TSEN2: variants seen among roughly 807,000 people sequenced by gnomAD.
The protein encoded by TSEN2 is tRNA splicing endonuclease subunit 2, also known as tRNA-splicing endonuclease subunit Sen2.
A neutral mutation model predicts 59.2 loss-of-function variants in TSEN2; 54 were observed. That is an observed-to-expected ratio of 0.91 (90% CI 0.73 to 1.14). The LOEUF (loss-of-function observed/expected upper bound fraction) is 1.14. TSEN2 is among the 50% of genes most tolerant of loss of function. The probability of loss-of-function intolerance (pLI) is 0.00; values close to 1 mark genes in which losing one functional copy is unlikely to be tolerated. For synonymous variants in TSEN2, 195 were observed against 198.2 expected, an observed-to-expected ratio of 0.98 and a Z score of 0.14; for missense variants, 636 against 576.2, an observed-to-expected ratio of 1.10 and a Z score of -1.06.
chr3:12,500,598 A>C (rs960294470), intron 4 of TSEN2, among the ~76,000 whole-genome samples: 2 of 152,188 alleles, frequency 1.3e-5, no homozygotes, highest in Non-Finnish European at 1.5e-5. Flanking sequence ...CATCTTTTTC[A>C]AGATACCATA....
intron 8 of TSEN2, among the ~76,000 whole-genome samples, chr3:12,520,561 G>C (rs973741913): frequency 2.6e-5 from 4 of 152,128 alleles, no homozygotes; most frequent in Admixed American, 2.6e-4. Context: ...AGGCCGAGGC[G>C]GGCAGATCGC....
chr3:12,531,809 C>T, intron 11 of TSEN2, 150 bp downstream of exon 11: 2 of 656,184 alleles, frequency 3.0e-6, no homozygotes, highest in South Asian at 3.5e-5. Context: ...TCACCTTTTC[C>T]CCATTGAACC....
At chr3:12,502,109 C>A (rs772457702) in intron 4 of TSEN2, among the ~76,000 whole-genome samples, 1 of 152,222 alleles carries the variant, frequency 6.6e-6, no homozygotes, top group Non-Finnish European at 1.5e-5. Flanking sequence ...CAAATCATTT[C>A]TCTCCTTATC....
intron 6 of TSEN2, among the ~76,000 whole-genome samples, chr3:12,507,352 G>C (rs1324578596): frequency 1.3e-5 from 2 of 152,204 alleles, no homozygotes; most frequent in Non-Finnish European, 2.9e-5. Flanking sequence ...TAGCCCACAT[G>C]TACCCGTTCT....
downstream of TSEN2, among the ~76,000 whole-genome samples, chr3:12,538,009 C>T (rs1259667238): frequency 6.6e-6 from 1 of 152,016 alleles, no homozygotes; most frequent in African/African-American, 2.4e-5. Flanking sequence ...TCTTGAACAC[C>T]ATGGAATACT....
At chr3:12,537,633 G>A (rs2057704588), downstream of TSEN2, among the ~76,000 whole-genome samples, 2 of 152,106 alleles carry the variant, frequency 1.3e-5, no homozygotes, top group Admixed American at 6.6e-5. Flanking sequence ...CGATTTGCTG[G>A]GGTTGTCCTC....
At chr3:12,523,526 CTTTTTTTTTT>C (rs546904336) in intron 8 of TSEN2, among the ~76,000 whole-genome samples, 3 of 46,480 alleles carry the variant, frequency 6.5e-5, no homozygotes, top group East Asian at 4.7e-4. Flanking sequence ...CTCTTTGATT[CTTTTTTTTTT>C]TTTTTTTTTT....
chr3:12,509,182 G>T (rs113898199), intron 6 of TSEN2, among the ~76,000 whole-genome samples: 3,125 of 142,472 alleles, frequency 0.022, 54 homozygotes, highest in South Asian at 0.061. Flanking sequence ...AACTTTGGGG[G>T]TTTTTTTTGG....
intron 11 of TSEN2, 100 bp from the exon 12 acceptor site, chr3:12,532,562 A>G: frequency 1.7e-6 from 2 of 1,143,238 alleles, no homozygotes; most frequent in Non-Finnish European, 2.6e-6. Flanking sequence ...ATCATTATAT[A>G]GACCGCCCTT....
chr3:12,536,999 C>T (rs1037821103), downstream of TSEN2, among the ~76,000 whole-genome samples: 12 of 120,868 alleles, frequency 9.9e-5, no homozygotes, highest in South Asian at 4.5e-4. Flanking sequence ...AGCAAAACTC[C>T]GTCTCAAAAA....
chr3:12,490,159 G>A (rs1037743707), intron 2 of TSEN2, among the ~76,000 whole-genome samples, 170 bp downstream of exon 2: 2 of 152,150 alleles, frequency 1.3e-5, no homozygotes, highest in Non-Finnish European at 2.9e-5. Flanking sequence ...GTGCCCAAAA[G>A]CCATATGTTA....
chr3:12,532,251 C>T (rs2057509051), intron 11 of TSEN2, among the ~76,000 whole-genome samples: 1 of 152,204 alleles, frequency 6.6e-6, no homozygotes. Context: ...GTCTTCCCTT[C>T]AGTTGGTCCC....
rs952380928 is a variant in TSEN2 at position 12,522,230 on chromosome 3, A to T, written c.1099+3033A>T. ...CCTTAATTTAAAGATATTCTGCCTT[A>T]TAAGGATGGTTGGACAGATGGATAG... On this transcript the variant is annotated intron_variant, in intron 8 of 11. Transcript: ENST00000284995. Among the ~76,000 whole-genome samples, 3 of 152,308 alleles carry T rather than the reference A, an allele frequency of 2.0e-5. No individual in the cohort carries two copies. The East Asian group carries it at 5.8e-4, about 29-fold the overall frequency.
At chr3:12,504,581 C>CAATT (rs2054617799) in intron 5 of TSEN2, among the ~76,000 whole-genome samples, 1 of 151,918 alleles carries the variant, frequency 6.6e-6, no homozygotes, top group Non-Finnish European at 1.5e-5. Flanking sequence ...TTATTAGGTA[C>CAATT]AATTGGGTGA....
At chr3:12,516,268 T>C (rs1575393075) in intron 6 of TSEN2, among the ~76,000 whole-genome samples, 2 of 151,612 alleles carry the variant, frequency 1.3e-5, no homozygotes, top group South Asian at 4.2e-4. Context: ...CTGAAAAAAA[T>C]ACAAAAAATT....
intron 3 of TSEN2, among the ~76,000 whole-genome samples, chr3:12,495,080 C>T (rs1047923647): frequency 2.1e-5 from 3 of 144,422 alleles, no homozygotes; most frequent in East Asian, 2.1e-4. Context: ...GAGCCAAAAT[C>T]GCGCCACTGC....
At chr3:12,506,660 C>G (rs1185550661) in intron 6 of TSEN2, 5 of 983,886 alleles carry the variant, frequency 5.1e-6, no homozygotes, top group Non-Finnish European at 4.8e-6. Context: ...TTCCTCTAAC[C>G]TGTGGTCACT....
In TSEN2 at chr3:12,533,037, C is replaced by CA; in HGVS notation, c.*318dup. 1 of 442,544 alleles carries CA rather than the reference C, an allele frequency of 2.3e-6. No homozygotes were observed. Among genetic ancestry groups the CA allele is most frequent in the South Asian group, 2.4e-5 (1 of 40,998 alleles). 27.4% of individuals were successfully genotyped at this position (442,544 alleles called of 1,614,324 possible). ...AGGAGTCCTGAGAGGACACTTCCAA[C>CA]AAGAGACATTTATTCTCTGATTTTA... On this transcript the variant is annotated 3_prime_UTR_variant, in exon 12 of 12. Coordinates refer to ENST00000284995, the MANE Select transcript of TSEN2 (RefSeq NM_025265.4).
intron 10 of TSEN2, chr3:12,530,831 G>T: frequency 2.2e-6 from 2 of 897,740 alleles, no homozygotes; most frequent in Non-Finnish European, 2.7e-6. Context: ...TAACAAAACC[G>T]TTTTTTCTTC....
Sources: gnomAD v4.1 joint callset for allele counts (sites outside exome capture counted in the v4.1 genomes callset) on GRCh38, gnomAD v4.1.1 for gene constraint, MANE v1.5 for transcripts, NCBI Gene and HGNC (gene_info 2026-07-23, HGNC 2026-07-21) for gene names.